The following NLRP14 variants were observed in gnomAD, a reference collection of about 807,000 sequenced individuals.
NLRP14 encodes the protein NACHT, LRR and PYD domains-containing protein 14.
Under a neutral mutation model 94.7 loss-of-function variants are expected in NLRP14, and 105 were observed. The observed-to-expected ratio is 1.11, with a 90% CI of 0.95 to 1.30. The LOEUF (loss-of-function observed/expected upper bound fraction) is 1.30. NLRP14 is among the 50% of genes most tolerant of loss of function. The probability of loss-of-function intolerance (pLI) is 0.00; values close to 1 mark genes in which losing one functional copy is unlikely to be tolerated. For missense variants in NLRP14, 1,362 were observed against 1,254.1 expected, an observed-to-expected ratio of 1.09 and a Z score of -1.30; for synonymous variants, 508 against 459.9, an observed-to-expected ratio of 1.10 and a Z score of -1.34.
chr11:7,028,090 C>G (rs1444980261), intron 1 of NLRP14, among the ~76,000 whole-genome samples: 1 of 151,556 alleles, frequency 6.6e-6, no homozygotes, highest in African/African-American at 2.4e-5. Flanking sequence ...TTAAATTCCA[C>G]CTATAAGCTA....
chr11:7,039,501 G>T (rs1159140188), intron 2 of NLRP14, among the ~76,000 whole-genome samples: 3 of 152,078 alleles, frequency 2.0e-5, no homozygotes, highest in Non-Finnish European at 4.4e-5. Context: ...GGGGGCCATG[G>T]CAAGAGGTCT....
In NLRP14 at chr11:7,062,428, A is replaced by G. The variant is rs1472653484; in HGVS notation, c.2900A>G (p.Asn967Ser). ...PNLRSLDLGN[N>S]DLQDDGVKIL... Reference sequence around the variant, plus strand: ...CTGAGGAGCCTGGACCTTGGGAACAACGATTTGCAGGATGATGGAGTGAAA... The same window carrying G: ...CTGAGGAGCCTGGACCTTGGGAACAGCGATTTGCAGGATGATGGAGTGAAA... The change falls in exon 10 of 12, where the codon AAC becomes AGC. Residue 967 changes from asparagine to serine, a missense_variant. By Grantham distance (46) the Asn-to-Ser change is conservative. Transcript: ENST00000299481. 1 of 1,613,196 alleles carries G rather than the reference A, an allele frequency of 6.2e-7. No individual in the cohort carries two copies. Among genetic ancestry groups the G allele is most frequent in the African/African-American group, 1.3e-5 (1 of 74,856 alleles).
In NLRP14 at chr11:7,062,521, C is replaced by T. The variant is rs765442840; in HGVS notation, c.2975+18C>T. 10 of 1,609,382 alleles carry T rather than the reference C, an allele frequency of 6.2e-6. No individual in the cohort carries two copies. In the Admixed American group the frequency reaches 1.7e-4, roughly 27 times the overall value. ...AGGCTCGGGTGAGTTCATAGTTTTC[C>T]ATTAGGAAAATGATGCCTATTTGGT... On this transcript the variant is annotated intron_variant, in intron 10 of 11. Transcript: ENST00000299481.
chr11:7,041,289 T>A (rs958828432), intron 3 of NLRP14, among the ~76,000 whole-genome samples: 2 of 152,192 alleles, frequency 1.3e-5, no homozygotes, highest in Admixed American at 6.5e-5. Flanking sequence ...TTAAAAAAGA[T>A]TCAAATGTTT....
At chr11:7,076,920 C>T in the NLRP14 span, among the ~76,000 whole-genome samples, 3 of 152,158 alleles carry the variant, frequency 2.0e-5, no homozygotes, top group Non-Finnish European at 2.9e-5. Flanking sequence ...CAAAAGCATC[C>T]TACTCTTCCA....
At chr11:7,024,315 C>CA (rs942110683) in intron 1 of NLRP14, among the ~76,000 whole-genome samples, 3 of 152,148 alleles carry the variant, frequency 2.0e-5, no homozygotes, top group African/African-American at 7.2e-5. Context: ...CGTAGTTTTC[C>CA]AAAAAATACC....
chr11:7,089,932 G>C, the NLRP14 span: 3 of 1,613,048 alleles, frequency 1.9e-6, no homozygotes, highest in Admixed American at 3.3e-5. Context: ...CGTGACTACG[G>C]GGATCATCTG....
chr11:7,070,041 A>G (rs1214428138), intron 10 of NLRP14, among the ~76,000 whole-genome samples: 2 of 152,162 alleles, frequency 1.3e-5, no homozygotes, highest in South Asian at 2.1e-4. Context: ...ACGTGCTTGC[A>G]TATTTTATTT....
At position 7,058,296 on chromosome 11, in the gene NLRP14, C is replaced by T. The variant is rs1186773229; in HGVS notation, c.2479C>T (p.Leu827Phe). ...CTCTTTCAGCTTAGAAAGCTGTGGT[C>T]TCACAGAGGCTGGCTGTGAGTATCT... Reference protein sequence around the residue: ...LERLSLESCGLTEAGCEYLSL... With the variant: ...LERLSLESCGFTEAGCEYLSL... Residue 827 changes from leucine to phenylalanine, a missense_variant, in exon 8 of 12, where the codon CTC becomes TTC. Coordinates refer to ENST00000299481, the MANE Select transcript of NLRP14 (RefSeq NM_176822.4). 1 of 1,612,480 alleles carries T rather than the reference C, an allele frequency of 6.2e-7. No individual in the cohort carries two copies. The highest frequency in any genetic ancestry group is 1.3e-5 in the African/African-American group (1 of 74,936).
At chr11:7,034,364 T>G (rs561185045) in intron 1 of NLRP14, among the ~76,000 whole-genome samples, 31 of 152,316 alleles carry the variant, frequency 2.0e-4, no homozygotes, top group African/African-American at 6.5e-4. Flanking sequence ...TTTCTGGCAC[T>G]ATGAGATGCT....
Position 7,043,539 on chromosome 11 carries a change from TGCCA to T in NLRP14, c.1517_1520del (p.Gln506LeufsTer5). ...CAGTTGGGAAGCTGGGAACCCTTCCTGCCAGCCTTTTGAAGATTTGAAGTCATTA... is the reference window on the plus strand; with the variant it reads ...CAGTTGGGAAGCTGGGAACCCTTCCTGCCTTTTGAAGATTTGAAGTCATTA... On this transcript the variant is annotated frameshift_variant, in exon 4 of 12. Transcript: ENST00000299481. LOFTEE classifies it high-confidence loss of function. 6.2e-7 allele frequency: 1 copy of T among 1,614,202 alleles called. No individual in the cohort carries two copies. The highest frequency in any genetic ancestry group is 2.2e-5 in the East Asian group (1 of 44,890).
At chr11:7,045,496 T>C (rs1342373741) in intron 4 of NLRP14, among the ~76,000 whole-genome samples, 1 of 152,088 alleles carries the variant, frequency 6.6e-6, no homozygotes, top group Non-Finnish European at 1.5e-5. Context: ...TATAACTACA[T>C]TGTAAGCTTT....
Position 7,027,980 on chromosome 11 carries a change from A to G in NLRP14, c.-22+7210A>G, listed in dbSNP as rs888430149. On this transcript the variant is annotated intron_variant, in intron 1 of 11. Coordinates refer to ENST00000299481, the MANE Select transcript of NLRP14 (RefSeq NM_176822.4). ...GAAAACAATTTTATTACCGCCTCCC[A>G]GGTCTGCTCCCTCTCTGTGACTTCT... Among the ~76,000 whole-genome samples, 10 of 152,118 alleles carry G rather than the reference A, an allele frequency of 6.6e-5. 1 individual carries two copies. In the South Asian group the frequency reaches 1.9e-3, roughly 28 times the overall value.
At chr11:7,036,435 C>T (rs1852161411) in intron 1 of NLRP14, among the ~76,000 whole-genome samples, 1 of 151,788 alleles carries the variant, frequency 6.6e-6, no homozygotes, top group Admixed American at 6.6e-5. Context: ...TAGATCTCGG[C>T]TCAAAGGGAC....
At chr11:7,052,042 A>G (rs1852448452) in intron 6 of NLRP14, among the ~76,000 whole-genome samples, 1 of 152,222 alleles carries the variant, frequency 6.6e-6, no homozygotes, top group South Asian at 2.1e-4. Context: ...TAGGCCTTAT[A>G]ATAGGTCTTA....
In NLRP14 at chr11:7,047,765, TTTC is replaced by T. The variant is rs1392791771; in HGVS notation, c.2123+936_2123+938del. On this transcript the variant is annotated intron_variant, in intron 5 of 11. Coordinates refer to ENST00000299481, the MANE Select transcript of NLRP14 (RefSeq NM_176822.4). Reference sequence around the variant, plus strand: ...TTTATCTTCTTTCTCTTTCTTTTCTTTTCTTTTTTTTTTTTGAGACAGTCTTGC... The same window carrying T: ...TTTATCTTCTTTCTCTTTCTTTTCTTTTTTTTTTTTTTGAGACAGTCTTGC... Among the ~76,000 whole-genome samples, 22 of 133,146 alleles carry T rather than the reference TTTC, an allele frequency of 1.7e-4. 1 individual carries two copies. The highest frequency in any genetic ancestry group is 2.2e-4 in the Non-Finnish European group (14 of 63,118). The allele number at this position is 133,146 out of a possible 152,430, so 87.3% of individuals were successfully genotyped here.
At chr11:7,020,960 C>T (rs1851919219) in intron 1 of NLRP14, among the ~76,000 whole-genome samples, 190 bp downstream of exon 1, 1 of 152,198 alleles carries the variant, frequency 6.6e-6, no homozygotes, top group Admixed American at 6.5e-5. Context: ...TGTCCTGGGA[C>T]CACAGAGAGT....
At chr11:7,090,412 T>C in the NLRP14 span, 1 of 1,317,910 alleles carries the variant, frequency 7.6e-7, no homozygotes, top group Non-Finnish European at 1.1e-6. Flanking sequence ...TTTTTACCTT[T>C]TAAGAATTTC....
At chr11:7,038,976 G>A (rs1852205525) in intron 2 of NLRP14, 101 bp downstream of exon 2, 4 of 1,131,684 alleles carry the variant, frequency 3.5e-6, no homozygotes, top group African/African-American at 1.6e-5. Flanking sequence ...ATTAAACCAT[G>A]TTGGGGGACA....
Sources: gnomAD v4.1 joint callset for allele counts (sites outside exome capture counted in the v4.1 genomes callset) on GRCh38, gnomAD v4.1.1 for gene constraint, MANE v1.5 for transcripts, NCBI Gene and HGNC (gene_info 2026-07-23, HGNC 2026-07-21) for gene names.